Variants in UPP2 observed in about 807,000 individuals in gnomAD.
UPP2 encodes uridine phosphorylase 2, also known as UPase 2.
Under a neutral mutation model 26.7 loss-of-function variants are expected in UPP2, and 23 were observed. The observed-to-expected ratio is 0.86, with a 90% CI of 0.62 to 1.22. The LOEUF is 1.22. Among genes scored for constraint, UPP2 ranks in the 50% most tolerant of loss-of-function variants. The pLI, the probability that UPP2 is intolerant of heterozygous loss-of-function variation, is 0.00. For synonymous variants in UPP2, 127 were observed against 141.3 expected, an observed-to-expected ratio of 0.90 and a Z score of 0.72; for missense variants, 387 against 396.7, an observed-to-expected ratio of 0.98 and a Z score of 0.21.
intron 3 of UPP2, among the ~76,000 whole-genome samples, chr2:158,038,258 G>A (rs1191701741): frequency 2.6e-5 from 4 of 152,146 alleles, no homozygotes; most frequent in African/African-American, 9.7e-5. Flanking sequence ...GTTTTAAATG[G>A]CTTTCATACA....
chr2:158,078,526 G>C (rs1053224111), intron 3 of UPP2, among the ~76,000 whole-genome samples: 6 of 152,104 alleles, frequency 3.9e-5, no homozygotes, highest in African/African-American at 1.2e-4. Flanking sequence ...AAATAAGCCA[G>C]GCACAGAAAG....
At chr2:158,072,798 C>G (rs1237486222) in intron 3 of UPP2, among the ~76,000 whole-genome samples, 1 of 152,206 alleles carries the variant, frequency 6.6e-6, no homozygotes, top group Non-Finnish European at 1.5e-5. Context: ...ATAAGAACCA[C>G]AGCATTATTG....
chr2:158,063,635 A>T (rs892156867), intron 3 of UPP2, among the ~76,000 whole-genome samples: 1 of 151,450 alleles, frequency 6.6e-6, no homozygotes, highest in Non-Finnish European at 1.5e-5. Flanking sequence ...TCTGGGGTAC[A>T]TGTGCAGAAT....
At chr2:158,130,308 G>A (rs958230249) in intron 6 of UPP2, among the ~76,000 whole-genome samples, 9 of 151,890 alleles carry the variant, frequency 5.9e-5, no homozygotes, top group East Asian at 3.9e-4. Flanking sequence ...AAAATTAGCC[G>A]GTCATGGTGG....
chr2:158,009,953 A>G (rs977609710), intron 2 of UPP2, among the ~76,000 whole-genome samples: 1 of 152,250 alleles, frequency 6.6e-6, no homozygotes, highest in Non-Finnish European at 1.5e-5. Context: ...CAGATCTTCA[A>G]ACTGCAAACC....
upstream of UPP2, among the ~76,000 whole-genome samples, chr2:158,098,241 G>A (rs778961800): frequency 4.6e-5 from 7 of 152,090 alleles, no homozygotes; most frequent in Non-Finnish European, 7.4e-5. Context: ...CAAGGTCTGC[G>A]GTGACCACCC....
intron 3 of UPP2, among the ~76,000 whole-genome samples, chr2:158,062,806 T>C (rs150003223): frequency 6.6e-6 from 1 of 152,356 alleles, no homozygotes; most frequent in Non-Finnish European, 1.5e-5. Context: ...AGCTGAACTA[T>C]AAGGGAGATC....
intron 3 of UPP2, among the ~76,000 whole-genome samples, chr2:158,091,383 T>C (rs997442541): frequency 1.3e-5 from 2 of 152,208 alleles, no homozygotes; most frequent in African/African-American, 4.8e-5. Context: ...AATTATAAAA[T>C]ATCTATGTTT....
At chr2:158,074,829 A>ATT (rs553783906) in intron 3 of UPP2, among the ~76,000 whole-genome samples, 1 of 142,286 alleles carries the variant, frequency 7.0e-6, no homozygotes, top group Non-Finnish European at 1.6e-5. Flanking sequence ...GACTGAGAGA[A>ATT]TTTTTTTTTT....
At chr2:157,995,192 T>C (rs761295065) in exon 2 of UPP2, 3 of 1,613,588 alleles carry the variant, frequency 1.9e-6, no homozygotes, top group Non-Finnish European at 2.5e-6. Flanking sequence ...ACTTCACCAG[T>C]GCTGCCATGC....
At chr2:158,048,682 G>A (rs1157004246) in intron 3 of UPP2, among the ~76,000 whole-genome samples, 1 of 152,176 alleles carries the variant, frequency 6.6e-6, no homozygotes, top group Admixed American at 6.5e-5. Flanking sequence ...GCCCTTTGTA[G>A]TGCACAGTCT....
intron 3 of UPP2, among the ~76,000 whole-genome samples, chr2:158,060,885 C>A (rs1268564457): frequency 6.6e-6 from 1 of 152,180 alleles, no homozygotes; most frequent in East Asian, 1.9e-4. Flanking sequence ...CGACTTCCGG[C>A]CTTCGGAAAT....
At position 158,072,652 on chromosome 2, in the gene UPP2, AC is replaced by A. The variant is rs879264713; in HGVS notation, c.148-29387del. ...CACACAGAGAGAAAGAGACAGACAG[AC>A]AGACAGACAGACAGACAGACAGACT... On this transcript the variant is annotated intron_variant, in intron 3 of 9. Coordinates refer to the UPP2 transcript ENST00000605860. 7.0e-3 allele frequency among the ~76,000 whole-genome samples: 942 copies of A among 135,432 alleles called. 6 individuals carry two copies. Among genetic ancestry groups the A allele is most frequent in the Middle Eastern group, 0.036 (9 of 248 alleles). The allele number at this position is 135,432 out of a possible 152,430, so 88.8% of individuals were successfully genotyped here. A position where few individuals can be genotyped will look rare whatever the true frequency, so the allele number is the denominator to read the frequency against.
chr2:158,054,335 T>C (rs141067309), intron 3 of UPP2, among the ~76,000 whole-genome samples: 381 of 150,714 alleles, frequency 2.5e-3, no homozygotes, highest in Middle Eastern at 0.017. Flanking sequence ...AAATAATTGA[T>C]AAATGCCTGG....
chr2:158,027,794 CG>C (rs1368406802), intron 3 of UPP2, among the ~76,000 whole-genome samples: 8 of 152,204 alleles, frequency 5.3e-5, no homozygotes, highest in Non-Finnish European at 1.2e-4. Context: ...GAAATCTAGG[CG>C]GAGGTTTCCA....
At chr2:158,116,466 GA>G (rs2105223085) in intron 3 of UPP2, among the ~76,000 whole-genome samples, 1 of 152,294 alleles carries the variant, frequency 6.6e-6, no homozygotes, top group South Asian at 2.1e-4. Flanking sequence ...TCCTGTCTGG[GA>G]AAAAGACCTG....
At chr2:158,044,964 T>C (rs1574260900) in intron 3 of UPP2, among the ~76,000 whole-genome samples, 1 of 152,232 alleles carries the variant, frequency 6.6e-6, no homozygotes, top group African/African-American at 2.4e-5. Context: ...ATGAATACTT[T>C]GCAAATATTA....
intron 2 of UPP2, among the ~76,000 whole-genome samples, chr2:157,998,316 A>C (rs6742818): frequency 6.6e-6 from 1 of 151,904 alleles, no homozygotes; most frequent in South Asian, 2.1e-4. Flanking sequence ...TCCACCAGAA[A>C]CCTCGAAGAC....
Position 158,135,114 on chromosome 2 carries a change from A to C in UPP2, c.*224A>C. The C allele has an allele frequency of 2.2e-6, 1 of 457,964 alleles. No homozygotes were observed. The highest frequency in any genetic ancestry group is 5.4e-5 in the South Asian group (1 of 18,350). 28.4% of individuals were successfully genotyped at this position (457,964 alleles called of 1,614,324 possible). On this transcript the variant is annotated 3_prime_UTR_variant, in exon 7 of 7. Transcript: ENST00000005756. The stretch of plus-strand genomic sequence containing the variant: ...TAGAATAAGTTAACTAAATCAGTCT[A>C]ATAATTAAAATTTTAAAACTCCTGG...
Sources: allele counts gnomAD v4.1 joint callset (sites outside exome capture counted in the v4.1 genomes callset), GRCh38; gene constraint gnomAD v4.1.1; transcripts MANE v1.5; gene names NCBI Gene and HGNC (gene_info 2026-07-23, HGNC 2026-07-21).